The following MGAT4C variants were observed in gnomAD, a reference collection of about 807,000 sequenced individuals.
MGAT4C encodes alpha-1,3-mannosyl-glycoprotein 4-beta-N-acetylglucosaminyltransferase C.
In MGAT4C, 19 loss-of-function variants were observed where a neutral mutation model predicts 40.1. That is an observed-to-expected ratio of 0.47 (90% CI 0.33 to 0.70). The LOEUF is 0.70. Ranked by LOEUF, MGAT4C falls within the 30% of genes least tolerant of loss-of-function variation. The pLI is 0.02. For missense variants in MGAT4C, 491 were observed against 563.2 expected (o/e 0.87, Z 1.30); for synonymous variants, 181 against 187.1 (o/e 0.97, Z 0.27).
chr12:86,506,589 T>C (rs953505498), intron 2 of MGAT4C, among the ~76,000 whole-genome samples: 1 of 152,204 alleles, frequency 6.6e-6, no homozygotes, highest in Non-Finnish European at 1.5e-5. Flanking sequence ...TAGACATTAA[T>C]GATGAAAAAC....
chr12:86,116,745 A>G (rs893471369), intron 1 of MGAT4C, among the ~76,000 whole-genome samples: 1 of 152,114 alleles, frequency 6.6e-6, no homozygotes, highest in African/African-American at 2.4e-5. Flanking sequence ...TTCATTGTTA[A>G]TAAGTATGGT....
intron 4 of MGAT4C, among the ~76,000 whole-genome samples, chr12:86,320,415 C>T (rs1471540160): frequency 1.3e-5 from 2 of 152,022 alleles, no homozygotes; most frequent in Non-Finnish European, 2.9e-5. Context: ...GTGGCATTTT[C>T]TTTTCATACT....
rs1277844180 is a variant in MGAT4C, at chr12:86,768,755, C to G, written c.-261-41514G>C. 2.0e-5 allele frequency among the ~76,000 whole-genome samples: 3 copies of G among 152,040 alleles called. No individual in the cohort carries two copies. The East Asian group carries it at 5.8e-4, about 29-fold the overall frequency. The stretch of plus-strand genomic sequence containing the variant: ...TGATCTTTGACAAACCTGAGAAAAA[C>G]GAGCAATGGGGAAAGGATTCCCTAT... On this transcript the variant is annotated intron_variant, in intron 1 of 7. Coordinates refer to the MGAT4C transcript ENST00000548651.
rs796867170 is a variant in MGAT4C at position 86,591,210 on chromosome 12, A to G, written c.-229+135999T>C. Among the ~76,000 whole-genome samples, 11 of 152,174 alleles carry G rather than the reference A, an allele frequency of 7.2e-5. 1 individual carries two copies. The highest frequency in any genetic ancestry group is 2.4e-4 in the African/African-American group (10 of 41,562). On this transcript the variant is annotated intron_variant, in intron 2 of 7. Transcript: ENST00000548651. ...AGTCTTAATAACAAAGTAGTTAGCA[A>G]ATAGTAACTTCCATCTACTATAGCC... is the stretch of plus-strand genomic sequence containing the variant.
rs182870220 is a variant in MGAT4C, at chr12:86,231,909, C to A, written c.-57+24330G>T. Reference sequence around the variant, plus strand: ...ATTCCAGCACTTTGGGAGGCCAAGGCGGGGTGATCACTTGAGGTCAGGAGT... The same window carrying A: ...ATTCCAGCACTTTGGGAGGCCAAGGAGGGGTGATCACTTGAGGTCAGGAGT... On this transcript the variant is annotated intron_variant, in intron 1 of 4. Coordinates refer to ENST00000611864, the MANE Select transcript of MGAT4C (RefSeq NM_001351288.2). Among the ~76,000 whole-genome samples, 454 of 152,056 alleles carry A rather than the reference C, an allele frequency of 3.0e-3. 2 individuals carry two copies. The highest frequency in any genetic ancestry group is 0.01 in the African/African-American group (433 of 41,476).
At chr12:86,104,820 A>G (rs1001375919) in intron 1 of MGAT4C, among the ~76,000 whole-genome samples, 7 of 151,626 alleles carry the variant, frequency 4.6e-5, no homozygotes, top group African/African-American at 1.7e-4. Flanking sequence ...TTATCAGAAC[A>G]CTTAGGTAAC....
chr12:86,245,828 A>G (rs1237356521), intron 1 of MGAT4C, among the ~76,000 whole-genome samples: 1 of 152,204 alleles, frequency 6.6e-6, no homozygotes, highest in African/African-American at 2.4e-5. Flanking sequence ...GAACAAATTA[A>G]TTAAAGTGAT....
intron 2 of MGAT4C, among the ~76,000 whole-genome samples, chr12:86,711,119 T>A (rs1206686295): frequency 1.3e-5 from 2 of 151,794 alleles, no homozygotes; most frequent in African/African-American, 4.8e-5. Context: ...CACCAAAATC[T>A]CAGAAATCAC....
intron 2 of MGAT4C, among the ~76,000 whole-genome samples, chr12:86,692,395 T>C (rs1950186883): frequency 6.6e-6 from 1 of 152,158 alleles, no homozygotes; most frequent in East Asian, 1.9e-4. Flanking sequence ...AGAAATGTAA[T>C]ACAAAATGTG....
chr12:86,233,136 C>G (rs534525996), intron 1 of MGAT4C, among the ~76,000 whole-genome samples: 1 of 151,994 alleles, frequency 6.6e-6, no homozygotes, highest in Non-Finnish European at 1.5e-5. Context: ...TGTAGTGTTA[C>G]GAATTTTGCA....
rs185152979 is a variant in MGAT4C at position 86,432,194 on chromosome 12, G to A, written c.-120+2963C>T. ...GTGGACTTAGCAACAAGAAAATAAT[G>A]TAACTACCTCAGAAAATTTGGAAGA... On this transcript the variant is annotated intron_variant, in intron 3 of 7. Coordinates refer to the MGAT4C transcript ENST00000548651. Among the ~76,000 whole-genome samples the A allele has an allele frequency of 9.1e-4, 138 of 152,208 alleles. No individual in the cohort carries two copies. In the Middle Eastern group the frequency reaches 0.01, roughly 11 times the overall value.
intron 2 of MGAT4C, among the ~76,000 whole-genome samples, chr12:86,548,389 T>G (rs1484372028): frequency 6.6e-6 from 1 of 152,140 alleles, no homozygotes; most frequent in African/African-American, 2.4e-5. Flanking sequence ...TATATTCCCC[T>G]TAAGTGAAAA....
At chr12:86,446,993 G>C (rs1957352190) in intron 2 of MGAT4C, among the ~76,000 whole-genome samples, 1 of 152,014 alleles carries the variant, frequency 6.6e-6, no homozygotes, top group Non-Finnish European at 1.5e-5. Flanking sequence ...GTTTGGAATA[G>C]ATTGATTTAA....
At chr12:86,647,006 A>G (rs1222948132) in intron 2 of MGAT4C, among the ~76,000 whole-genome samples, 2 of 151,920 alleles carry the variant, frequency 1.3e-5, no homozygotes, top group Non-Finnish European at 2.9e-5. Flanking sequence ...GTGCTTGGCC[A>G]GTCTTGCTGT....
At chr12:86,238,915 A>G (rs1951662057) in intron 1 of MGAT4C, among the ~76,000 whole-genome samples, 1 of 152,052 alleles carries the variant, frequency 6.6e-6, no homozygotes, top group South Asian at 2.1e-4. Context: ...TCAGAATCAC[A>G]TTAAAAAGTA....
At chr12:86,658,597 T>C (rs1281053059) in intron 2 of MGAT4C, among the ~76,000 whole-genome samples, 7 of 152,110 alleles carry the variant, frequency 4.6e-5, no homozygotes, top group Non-Finnish European at 8.8e-5. Flanking sequence ...AGAATAAAAG[T>C]AGTCATTAGG....
chr12:86,180,513 G>A (rs902412903), intron 1 of MGAT4C, among the ~76,000 whole-genome samples: 1 of 152,168 alleles, frequency 6.6e-6, no homozygotes, highest in South Asian at 2.1e-4. Context: ...AAGCAGCCAG[G>A]AGGGAGGCTG....
intron 3 of MGAT4C, among the ~76,000 whole-genome samples, chr12:86,362,679 C>G (rs545813683): frequency 6.6e-6 from 1 of 151,642 alleles, no homozygotes; most frequent in South Asian, 2.1e-4. Flanking sequence ...CTCGCTAACA[C>G]AGTGAAACCC....
rs1238509713 is a variant in MGAT4C at position 86,307,200 on chromosome 12, GTATT to G, written c.-57+26861_-57+26864del. On this transcript the variant is annotated intron_variant, in intron 4 of 7. Transcript: ENST00000548651. ...TATTAAAAGGTTCTGCTAAATGTCT[GTATT>G]TATTATAATAACTGTATTAGATTTG... 4.8e-5 allele frequency among the ~76,000 whole-genome samples: 5 copies of G among 103,778 alleles called. 1 individual carries two copies. The East Asian group carries it at 1.2e-3, about 25-fold the overall frequency. 68.1% of individuals were successfully genotyped at this position (103,778 alleles called of 152,430 possible).
Sources: allele counts gnomAD v4.1 joint callset (sites outside exome capture counted in the v4.1 genomes callset), GRCh38; gene constraint gnomAD v4.1.1; transcripts MANE v1.5; gene names NCBI Gene and HGNC (gene_info 2026-07-23, HGNC 2026-07-21).